The following CNBD1 variants were observed in gnomAD, a reference collection of about 807,000 sequenced individuals.
The protein encoded by CNBD1 is cyclic nucleotide-binding domain-containing protein 1.
Under a neutral mutation model 54.4 loss-of-function variants are expected in CNBD1, and 71 were observed. That is an observed-to-expected ratio of 1.30 (90% confidence interval 1.08 to 1.59). The LOEUF is 1.59. CNBD1 is among the 40% of genes most tolerant of loss of function. CNBD1 has a pLI of 0.00. For missense variants in CNBD1, 659 were observed against 518.0 expected (o/e 1.27, Z -2.64); for synonymous variants, 182 against 170.7 (o/e 1.07, Z -0.51).
intron 1 of CNBD1, among the ~76,000 whole-genome samples, chr8:86,873,361 A>G (rs1010229149): frequency 2.0e-5 from 3 of 151,572 alleles, no homozygotes; most frequent in African/African-American, 7.3e-5. Flanking sequence ...TCGGCCTCCC[A>G]AAGTGCTAGG....
intron 4 of CNBD1, among the ~76,000 whole-genome samples, chr8:86,968,362 TCAAG>T (rs2130485383): frequency 6.6e-6 from 1 of 152,308 alleles, no homozygotes; most frequent in African/African-American, 2.4e-5. Flanking sequence ...CCACCCTTGC[TCAAG>T]CATGAGTGGG....
chr8:87,240,732 G>A (rs1807679809), intron 6 of CNBD1, among the ~76,000 whole-genome samples: 1 of 152,126 alleles, frequency 6.6e-6, no homozygotes, highest in South Asian at 2.1e-4. Flanking sequence ...AGGCAAAATG[G>A]TAATGGGACC....
chr8:86,995,252 C>A (rs1175440666), intron 4 of CNBD1, among the ~76,000 whole-genome samples: 1 of 152,146 alleles, frequency 6.6e-6, no homozygotes, highest in Non-Finnish European at 1.5e-5. Flanking sequence ...ATGGGAAGTT[C>A]TACAGTGGAG....
At chr8:87,365,511 G>T (rs368259369) in intron 10 of CNBD1, among the ~76,000 whole-genome samples, 2 of 151,890 alleles carry the variant, frequency 1.3e-5, no homozygotes, top group African/African-American at 4.8e-5. Context: ...TTTCAGATTT[G>T]CTATACTTGA....
intron 4 of CNBD1, among the ~76,000 whole-genome samples, chr8:87,134,118 A>G (rs1402335557): frequency 6.6e-6 from 1 of 152,212 alleles, no homozygotes; most frequent in Non-Finnish European, 1.5e-5. Context: ...ATATTGGAAA[A>G]GGGCTACTAA....
At chr8:87,413,761 AC>A (rs1168551177) in intron 2 of CNBD1, among the ~76,000 whole-genome samples, 3 of 146,694 alleles carry the variant, frequency 2.0e-5, no homozygotes, top group Admixed American at 6.8e-5. Context: ...GCCAAAAAAC[AC>A]ATGAAAAAAT....
At chr8:87,194,120 A>G (rs2130788037) in intron 4 of CNBD1, among the ~76,000 whole-genome samples, 1 of 152,328 alleles carries the variant, frequency 6.6e-6, no homozygotes, top group African/African-American at 2.4e-5. Flanking sequence ...TGTGTGCCTT[A>G]TGAGAATCTA....
chr8:86,958,463 A>G (rs188434509), intron 4 of CNBD1, among the ~76,000 whole-genome samples: 225 of 152,296 alleles, frequency 1.5e-3, no homozygotes, highest in African/African-American at 4.9e-3. Flanking sequence ...GTGGGAGTCT[A>G]AGTCTCTTTG....
At chr8:87,335,422 C>T (rs915605388) in intron 8 of CNBD1, among the ~76,000 whole-genome samples, 4 of 152,126 alleles carry the variant, frequency 2.6e-5, no homozygotes, top group Admixed American at 6.5e-5. Context: ...GAATACTTAA[C>T]TCTTCTTGTT....
chr8:86,904,160 G>GA (rs1199479016), intron 2 of CNBD1, among the ~76,000 whole-genome samples: 1 of 151,904 alleles, frequency 6.6e-6, no homozygotes, highest in Non-Finnish European at 1.5e-5. Flanking sequence ...CAATGAAAAT[G>GA]AAAAAGACTT....
chr8:87,372,744 A>G (rs775723936), intron 10 of CNBD1, among the ~76,000 whole-genome samples: 12 of 151,946 alleles, frequency 7.9e-5, no homozygotes, highest in Middle Eastern at 6.8e-3. Context: ...AACGTTCTTA[A>G]TAATTTAAGT....
At chr8:87,321,642 G>A (rs1038620723) in intron 8 of CNBD1, among the ~76,000 whole-genome samples, 1 of 152,076 alleles carries the variant, frequency 6.6e-6, no homozygotes, top group East Asian at 1.9e-4. Context: ...TCCATAGGCT[G>A]CCTTTTTCTC....
chr8:87,065,349 T>C (rs1271627798), intron 4 of CNBD1, among the ~76,000 whole-genome samples: 1 of 152,002 alleles, frequency 6.6e-6, no homozygotes, highest in Non-Finnish European at 1.5e-5. Context: ...ATTTGAAAAA[T>C]TCTGGAAATA....
At chr8:87,286,796 A>G in intron 8 of CNBD1, 125 bp downstream of exon 8, 1 of 711,486 alleles carries the variant, frequency 1.4e-6, no homozygotes, top group South Asian at 1.8e-5. Flanking sequence ...TTTATTTGAT[A>G]ATAACATTTG....
At chr8:87,387,837 A>G (rs1316907044), downstream of CNBD1, among the ~76,000 whole-genome samples, 3 of 152,200 alleles carry the variant, frequency 2.0e-5, no homozygotes, top group Non-Finnish European at 2.9e-5. Flanking sequence ...CTATTCCAAA[A>G]TTGACCACAT....
At chr8:87,050,258 C>T (rs1810285538) in intron 4 of CNBD1, among the ~76,000 whole-genome samples, 1 of 152,184 alleles carries the variant, frequency 6.6e-6, no homozygotes, top group South Asian at 2.1e-4. Context: ...AGGTAATGGG[C>T]TTAATCTTCT....
chr8:87,229,407 C>A (rs975923155), intron 5 of CNBD1, among the ~76,000 whole-genome samples: 2 of 152,194 alleles, frequency 1.3e-5, no homozygotes, highest in East Asian at 3.9e-4. Flanking sequence ...TTATATTTAG[C>A]TTGCATTATT....
chr8:87,422,500 A>T (rs1211353242), intron 2 of CNBD1, among the ~76,000 whole-genome samples: 1 of 151,722 alleles, frequency 6.6e-6, no homozygotes, highest in Non-Finnish European at 1.5e-5. Context: ...ATGGCTAGCC[A>T]GTTTTCCCAG....
chr8:87,222,859 G>A (rs1165617345), intron 5 of CNBD1, among the ~76,000 whole-genome samples: 1 of 151,986 alleles, frequency 6.6e-6, no homozygotes, highest in Non-Finnish European at 1.5e-5. Flanking sequence ...CAAATATGGG[G>A]TCCTGCATTA....
Sources: gnomAD v4.1 joint callset for allele counts (sites outside exome capture counted in the v4.1 genomes callset) on GRCh38, gnomAD v4.1.1 for gene constraint, MANE v1.5 for transcripts, NCBI Gene and HGNC (gene_info 2026-07-23, HGNC 2026-07-21) for gene names.